Variants in KIF11 observed in about 807,000 individuals in gnomAD.
KIF11 encodes the protein kinesin-like protein KIF11.
In KIF11, 9 loss-of-function variants were observed where a neutral mutation model predicts 121.0. That is an observed-to-expected ratio of 0.07 (90% confidence interval 0.04 to 0.13). The LOEUF is 0.13. Among genes scored for constraint, KIF11 ranks in the 10% least tolerant of loss-of-function variants. The pLI is 1.00. For synonymous variants in KIF11, 408 were observed against 421.0 expected (o/e 0.97, Z 0.38); for missense variants, 846 against 1,217.5 (o/e 0.69, Z 4.54).
chr10:92,612,317 T>G (rs540262301), intron 6 of KIF11, among the ~76,000 whole-genome samples: 11 of 152,212 alleles, frequency 7.2e-5, no homozygotes, highest in African/African-American at 2.6e-4. Context: ...TAAATTTTTT[T>G]GTAGAGATGA....
At chr10:92,644,206 A>T (rs1197255305) in intron 17 of KIF11, among the ~76,000 whole-genome samples, 1 of 152,202 alleles carries the variant, frequency 6.6e-6, no homozygotes, top group Non-Finnish European at 1.5e-5. Flanking sequence ...TCACCCAGGA[A>T]TCTAGGTGAT....
At chr10:92,597,636 G>GGGTT (rs1236847765) in intron 1 of KIF11, among the ~76,000 whole-genome samples, 3 of 143,658 alleles carry the variant, frequency 2.1e-5, no homozygotes, top group African/African-American at 8.6e-5. Context: ...TTTTTCCCTT[G>GGGTT]GGTTTGTTTG....
At chr10:92,635,664 CAG>C (rs1362920191) in intron 14 of KIF11, among the ~76,000 whole-genome samples, 1 of 152,122 alleles carries the variant, frequency 6.6e-6, no homozygotes, top group African/African-American at 2.4e-5. Context: ...GATGCAGAGA[CAG>C]AAAGTGAGCA....
At chr10:92,614,063 CACAT>C (rs1355511357) in intron 8 of KIF11, among the ~76,000 whole-genome samples, 133 of 119,542 alleles carry the variant, frequency 1.1e-3, no homozygotes, top group Middle Eastern at 8.3e-3. Context: ...CACACACACA[CACAT>C]ATAGTAGGGA....
At chr10:92,609,577 T>C in intron 6 of KIF11, 68 bp downstream of exon 6, 1 of 1,507,902 alleles carries the variant, frequency 6.6e-7, no homozygotes, top group Admixed American at 2.1e-5. Context: ...TTGGAGAAAG[T>C]CAAATTGGGG....
At chr10:92,627,324 A>G (rs1419290149) in intron 10 of KIF11, among the ~76,000 whole-genome samples, 3 of 152,202 alleles carry the variant, frequency 2.0e-5, no homozygotes, top group Non-Finnish European at 2.9e-5. Flanking sequence ...GAAATCAGAG[A>G]CCCATTAAAG....
chr10:92,639,746 C>A, intron 16 of KIF11, 48 bp from the exon 17 acceptor site: 3 of 1,016,676 alleles, frequency 3.0e-6, no homozygotes, highest in South Asian at 1.4e-5. Flanking sequence ...AAAAAATGTT[C>A]AAGTGTCATA....
chr10:92,611,525 C>T (rs927751657), intron 6 of KIF11, among the ~76,000 whole-genome samples: 2 of 151,980 alleles, frequency 1.3e-5, no homozygotes, highest in East Asian at 1.9e-4. Context: ...TATTATAATT[C>T]AGATCTATAG....
chr10:92,636,936 G>A (rs1844807946), intron 14 of KIF11, among the ~76,000 whole-genome samples: 1 of 150,680 alleles, frequency 6.6e-6, no homozygotes, highest in African/African-American at 2.4e-5. Context: ...CGGAGGCTGA[G>A]GCAGGAGAAT....
In KIF11 at chr10:92,613,611, A is replaced by C. The variant is rs1844518688; in HGVS notation, c.1024A>C (p.Asn342His). ...TGCAACAATTTCTCCTGCATCTCTC[A>C]ATCTTGAGGTAAGCCCTTTGAAAGG... is the stretch of plus-strand genomic sequence containing the variant. ...IIATISPASL[N>H]LEETLSTLEY... The change falls in exon 8 of 22, where the codon AAT (asparagine) becomes CAT (histidine). Residue 342 changes from asparagine to histidine, a missense_variant. Coordinates refer to ENST00000260731, the MANE Select transcript of KIF11 (RefSeq NM_004523.4). This position sits in a 1 kb window ranked among gnomAD's most constrained non-coding sequence, Gnocchi z 4.2. 1 of 1,611,450 alleles carries C rather than the reference A, an allele frequency of 6.2e-7. No individual in the cohort carries two copies. The highest frequency in any genetic ancestry group is 1.1e-5 in the South Asian group (1 of 90,880).
intron 13 of KIF11, 51 bp from the exon 14 acceptor site, chr10:92,633,571 AT>A: frequency 4.0e-6 from 5 of 1,264,660 alleles, no homozygotes; most frequent in African/African-American, 1.5e-5. Flanking sequence ...TTTGAACGGT[AT>A]TTAATATATT....
chr10:92,610,161 T>C (rs936756957), intron 6 of KIF11, among the ~76,000 whole-genome samples: 12 of 152,166 alleles, frequency 7.9e-5, no homozygotes, highest in Admixed American at 7.2e-4. Context: ...TCCTTAGCCT[T>C]ATGAAGGGGT....
At chr10:92,609,738 C>CT (rs1167166775) in intron 6 of KIF11, among the ~76,000 whole-genome samples, 1 of 151,774 alleles carries the variant, frequency 6.6e-6, no homozygotes, top group Non-Finnish European at 1.5e-5. Flanking sequence ...AAGTATTAAA[C>CT]TTTTTTTTCT....
chr10:92,600,623 T>A (rs1056389037), intron 1 of KIF11, among the ~76,000 whole-genome samples: 1 of 151,852 alleles, frequency 6.6e-6, no homozygotes, highest in Non-Finnish European at 1.5e-5. Context: ...TTCTCCTGCC[T>A]CAGCCTCCCG....
intron 9 of KIF11, 102 bp downstream of exon 9, chr10:92,616,934 C>T (rs1479556318): frequency 1.6e-6 from 1 of 630,554 alleles, no homozygotes; most frequent in African/African-American, 1.9e-5. Flanking sequence ...GTTAAATTGC[C>T]CATGGAAGGC....
chr10:92,632,842 AT>A (rs1326449242), intron 13 of KIF11, 149 bp downstream of exon 13: 5 of 457,354 alleles, frequency 1.1e-5, no homozygotes, highest in Non-Finnish European at 1.5e-5. Context: ...TAATGCTTTT[AT>A]TGTCTTTGAA....
Position 92,606,356 on chromosome 10 carries a change from T to C in KIF11, c.169T>C (p.Leu57=), listed in dbSNP as rs1403627656. The C allele has an allele frequency of 1.9e-6, 3 of 1,612,350 alleles. No individual in the cohort carries two copies. Among genetic ancestry groups the C allele is most frequent in the East Asian group, 2.2e-5 (1 of 44,848 alleles). ...AGAAGTTAGTGTACGAACTGGAGGA[T>C]TGGCTGACAAGAGCTCAAGGAAAAC... ...RKEVSVRTGG[L]ADKSSRKTYT... Residue 57 remains leucine, a synonymous_variant, in exon 2 of 22, where the codon TTG becomes CTG. Transcript: ENST00000260731.
chr10:92,611,829 G>T (rs1263089281), intron 6 of KIF11, among the ~76,000 whole-genome samples: 1 of 152,264 alleles, frequency 6.6e-6, no homozygotes, highest in African/African-American at 2.4e-5. Context: ...AACCCAGGAG[G>T]CAGAAGTTTC....
chr10:92,607,828 T>C (rs1844445857), intron 4 of KIF11, among the ~76,000 whole-genome samples: 1 of 152,032 alleles, frequency 6.6e-6, no homozygotes. Flanking sequence ...AGTTTTAAAT[T>C]TAGTAATGTG....
Sources: allele counts gnomAD v4.1 joint callset (sites outside exome capture counted in the v4.1 genomes callset), GRCh38; gene constraint gnomAD v4.1.1; non-coding constraint Gnocchi (gnomAD v3.1); transcripts MANE v1.5; gene names NCBI Gene and HGNC (gene_info 2026-07-23, HGNC 2026-07-21).